The following FAM222B variants were observed in gnomAD, a reference collection of about 807,000 sequenced individuals.
FAM222B encodes the protein protein FAM222B.
FAM222B carries 12 observed loss-of-function variants against 38.0 expected under a neutral mutation model. The ratio of observed to expected loss-of-function variants is 0.32; its 90% CI spans 0.20 to 0.51. The LOEUF (loss-of-function observed/expected upper bound fraction) is 0.51, where lower values mean the gene tolerates loss of function less well. Among genes scored for constraint, FAM222B ranks in the 20% least tolerant of loss-of-function variants. The probability of loss-of-function intolerance (pLI) is 0.97; values close to 1 mark genes in which losing one functional copy is unlikely to be tolerated. For missense variants in FAM222B, 716 were observed against 754.2 expected (o/e 0.95, Z 0.59); for synonymous variants, 329 against 317.2 (o/e 1.04, Z -0.40).
chr17:28,803,819 A>G (rs1268514578), intron 1 of FAM222B, among the ~76,000 whole-genome samples: 1 of 151,904 alleles, frequency 6.6e-6, no homozygotes, highest in African/African-American at 2.4e-5. Context: ...CTCTACTAAA[A>G]AAATACAAAA....
chr17:28,778,422 G>T (rs977533713), intron 1 of FAM222B, among the ~76,000 whole-genome samples: 1 of 151,464 alleles, frequency 6.6e-6, no homozygotes, highest in Non-Finnish European at 1.5e-5. Flanking sequence ...CAAAGGACAT[G>T]AACTCATTCT....
rs1289780826 is a variant in FAM222B at position 28,756,657 on chromosome 17, G to A, written c.*1613C>T. 2.0e-5 allele frequency: 3 copies of A among 152,522 alleles called. No individual in the cohort carries two copies. Among genetic ancestry groups the A allele is most frequent in the East Asian group, 1.9e-4 (1 of 5,202 alleles). The allele number at this position is 152,522 out of a possible 1,614,324, so 9.4% of individuals were successfully genotyped here. A position where few individuals can be genotyped will look rare whatever the true frequency, so the allele number is the denominator to read the frequency against. ...CAGGGAGGTACCAGTGTTCACAGAC[G>A]GCAGGAAAACAATTGGGAACAATAA... On this transcript the variant is annotated 3_prime_UTR_variant, in exon 3 of 3. Coordinates refer to ENST00000581407, the MANE Select transcript of FAM222B (RefSeq NM_001077498.3).
chr17:28,783,466 G>A (rs1382904499), intron 1 of FAM222B, among the ~76,000 whole-genome samples: 1 of 151,896 alleles, frequency 6.6e-6, no homozygotes, highest in East Asian at 1.9e-4. Flanking sequence ...GTGTGACCTT[G>A]GGAACATAGT....
At chr17:28,794,029 G>A (rs1050821140) in intron 1 of FAM222B, among the ~76,000 whole-genome samples, 5 of 151,706 alleles carry the variant, frequency 3.3e-5, no homozygotes, top group South Asian at 2.1e-4. Flanking sequence ...GATTACAGGC[G>A]TAAGCCACGG....
rs2036571314 is a variant in FAM222B, at chr17:28,789,449, C to A, written c.-40-22742G>T. ...CCTGAACGATCCACCTGCCTCGGCCCCCCAAATTCCTGGGGTTACAGGCGT... is the reference window on the plus strand; with the variant it reads ...CCTGAACGATCCACCTGCCTCGGCCACCCAAATTCCTGGGGTTACAGGCGT... On this transcript the variant is annotated intron_variant, in intron 1 of 2. Coordinates refer to ENST00000581407, the MANE Select transcript of FAM222B (RefSeq NM_001077498.3). Among the ~76,000 whole-genome samples the A allele has an allele frequency of 1.3e-5, 2 of 152,072 alleles. 1 individual carries two copies. Among genetic ancestry groups the A allele is most frequent in the South Asian group, 4.1e-4 (2 of 4,824 alleles).
chr17:28,805,305 C>T (rs1413282695), intron 1 of FAM222B, among the ~76,000 whole-genome samples: 2 of 152,162 alleles, frequency 1.3e-5, no homozygotes, highest in South Asian at 4.1e-4. Flanking sequence ...GAGGCCATGG[C>T]AGGCAGATCA....
exon 1 of FAM222B, chr17:28,854,954 C>G (rs1037123181): frequency 2.0e-5 from 30 of 1,479,172 alleles, no homozygotes; most frequent in Non-Finnish European, 2.6e-5. Flanking sequence ...ACCTACCTCT[C>G]TCCTACTCGC....
intron 1 of FAM222B, among the ~76,000 whole-genome samples, chr17:28,769,266 G>A (rs944578975): frequency 3.9e-5 from 5 of 128,900 alleles, no homozygotes; most frequent in Admixed American, 1.0e-4. Flanking sequence ...TGCAACCTCC[G>A]CTCCCGGGTT....
At chr17:28,816,380 A>G (rs564312342) in intron 1 of FAM222B, among the ~76,000 whole-genome samples, 1 of 152,310 alleles carries the variant, frequency 6.6e-6, no homozygotes, top group East Asian at 1.9e-4. Flanking sequence ...CATATCTTTT[A>G]TAGTCAGTAA....
chr17:28,821,397 T>C (rs1378727583), intron 1 of FAM222B, among the ~76,000 whole-genome samples: 1 of 152,228 alleles, frequency 6.6e-6, no homozygotes, highest in African/African-American at 2.4e-5. Context: ...TTATTTAGCA[T>C]TTATATCACA....
intron 2 of FAM222B, among the ~76,000 whole-genome samples, chr17:28,766,176 T>C (rs2035318734): frequency 6.6e-6 from 1 of 152,134 alleles, no homozygotes; most frequent in Non-Finnish European, 1.5e-5. Flanking sequence ...CCCTAATGGC[T>C]GGACACAGTG....
At chr17:28,840,699 G>T (rs1374761429) in intron 1 of FAM222B, among the ~76,000 whole-genome samples, 3 of 152,198 alleles carry the variant, frequency 2.0e-5, no homozygotes, top group Non-Finnish European at 4.4e-5. Flanking sequence ...GTTCACGCCT[G>T]TAATCCCAGC....
chr17:28,824,421 G>C lies in FAM222B; in HGVS notation c.-41+18261C>G, dbSNP rs144497248. On this transcript the variant is annotated intron_variant, in intron 1 of 2. Coordinates refer to ENST00000581407, the MANE Select transcript of FAM222B (RefSeq NM_001077498.3). ...GGCTCGTCTGAAACTCCTGGGCTCA[G>C]GTGATCCTCTTGTCTCAGACCCCCA... 2.6e-3 allele frequency among the ~76,000 whole-genome samples: 394 copies of C among 151,778 alleles called. No individual in the cohort carries two copies. The Middle Eastern group carries it at 0.031, about 12-fold the overall frequency.
intron 1 of FAM222B, among the ~76,000 whole-genome samples, chr17:28,851,566 A>C (rs2039181333): frequency 6.6e-6 from 1 of 151,730 alleles, no homozygotes; most frequent in Non-Finnish European, 1.5e-5. Context: ...ACATGGTGAC[A>C]GCCTGTCTCT....
At chr17:28,770,279 G>A (rs2151798621) in intron 1 of FAM222B, among the ~76,000 whole-genome samples, 1 of 152,326 alleles carries the variant, frequency 6.6e-6, no homozygotes, top group South Asian at 2.1e-4. Flanking sequence ...ATAAAAGGCA[G>A]ATTGTTATTA....
chr17:28,770,707 A>T (rs1017775221), intron 1 of FAM222B, among the ~76,000 whole-genome samples: 2 of 151,830 alleles, frequency 1.3e-5, no homozygotes, highest in Non-Finnish European at 2.9e-5. Context: ...AGTAGCTGGG[A>T]CTACAGGCGC....
chr17:28,811,506 GTTTGGT>G (rs1175832070), intron 1 of FAM222B, among the ~76,000 whole-genome samples: 3 of 152,108 alleles, frequency 2.0e-5, no homozygotes, highest in Non-Finnish European at 4.4e-5. Flanking sequence ...GTTTTTTTAA[GTTTGGT>G]TTTGGTTTTT....
Position 28,823,755 on chromosome 17 carries a change from TTCTA to T in FAM222B, c.-41+18923_-41+18926del, listed in dbSNP as rs1472876119. On this transcript the variant is annotated intron_variant, in intron 1 of 2. Transcript: ENST00000581407. Reference sequence around the variant, plus strand: ...CCTGATTAAATACCATGACTTCAAATTCTATCTATTTCAGCTCAGAATTCTCCTA... The same window carrying T: ...CCTGATTAAATACCATGACTTCAAATTCTATTTCAGCTCAGAATTCTCCTA... Among the ~76,000 whole-genome samples the T allele has an allele frequency of 2.0e-5, 3 of 152,284 alleles. No homozygotes were observed. The East Asian group carries it at 5.8e-4, about 29-fold the overall frequency.
intron 1 of FAM222B, among the ~76,000 whole-genome samples, chr17:28,820,740 T>A (rs1438822759): frequency 6.6e-6 from 1 of 152,034 alleles, no homozygotes; most frequent in African/African-American, 2.4e-5. Context: ...TTCAAGCAAT[T>A]CTCGTGCCTT....
Sources: allele counts gnomAD v4.1 joint callset (sites outside exome capture counted in the v4.1 genomes callset), GRCh38; gene constraint gnomAD v4.1.1; transcripts MANE v1.5; gene names NCBI Gene and HGNC (gene_info 2026-07-23, HGNC 2026-07-21).